RBFOX1: variants seen among roughly 807,000 people sequenced by gnomAD.
RBFOX1 encodes RNA binding protein fox-1 homolog 1.
Under a neutral mutation model 57.7 loss-of-function variants are expected in RBFOX1, and 8 were observed. The ratio of observed to expected loss-of-function variants is 0.14; its 90% confidence interval spans 0.08 to 0.25. The LOEUF (loss-of-function observed/expected upper bound fraction) is 0.25. Among genes scored for constraint, RBFOX1 ranks in the 10% least tolerant of loss-of-function variants. The probability of loss-of-function intolerance (pLI) is 1.00; values close to 1 mark genes in which losing one functional copy is unlikely to be tolerated. For synonymous variants in RBFOX1, 326 were observed against 222.4 expected, an observed-to-expected ratio of 1.47 and a Z score of -4.15; for missense variants, 611 against 548.5, an observed-to-expected ratio of 1.11 and a Z score of -1.14.
At position 6,019,699 on chromosome 16, in the gene RBFOX1, A is replaced by C. The variant is rs2095029952; in HGVS notation, c.-420A>C. 3.0e-6 allele frequency: 4 copies of C among 1,341,084 alleles called. No individual in the cohort carries two copies. In the South Asian group the frequency reaches 5.7e-5, roughly 19 times the overall value. The allele number at this position is 1,341,084 out of a possible 1,614,324, so 83.1% of individuals were successfully genotyped here. A position where few individuals can be genotyped will look rare whatever the true frequency, so the allele number is the denominator to read the frequency against. On this transcript the variant is annotated 5_prime_UTR_variant, in exon 1 of 16. Transcript: ENST00000550418. This position sits in a 1 kb window ranked among gnomAD's most constrained non-coding sequence, Gnocchi z 4.2. The stretch of plus-strand genomic sequence containing the variant: ...CAGGAGAACTCCGAGCTTCTTGCCC[A>C]GGCAGAGAGAGCAGGAGCGGACCGC...
chr16:6,276,820 T>C (rs936401421), intron 1 of RBFOX1, among the ~76,000 whole-genome samples: 36 of 3,170 alleles, frequency 0.011, no homozygotes, highest in African/African-American at 0.015. Context: ...TTTCTTTGCT[T>C]TTTTTTTTTT....
chr16:7,343,519 A>G (rs1480814266), intron 4 of RBFOX1, among the ~76,000 whole-genome samples: 2 of 152,150 alleles, frequency 1.3e-5, no homozygotes, highest in Admixed American at 1.3e-4. Flanking sequence ...AGCAGCATAA[A>G]TTCATACTTC....
At chr16:6,026,509 G>A (rs1302506794) in intron 1 of RBFOX1, among the ~76,000 whole-genome samples, 2 of 152,208 alleles carry the variant, frequency 1.3e-5, no homozygotes, top group Non-Finnish European at 2.9e-5. Flanking sequence ...TGTGCACATG[G>A]CCTCTTTTGC....
At chr16:6,433,275 G>A (rs2094146580) in intron 2 of RBFOX1, among the ~76,000 whole-genome samples, 1 of 152,216 alleles carries the variant, frequency 6.6e-6, no homozygotes, top group Non-Finnish European at 1.5e-5. Flanking sequence ...GAAATGAGAA[G>A]CAGAGAAGGT....
intron 3 of RBFOX1, among the ~76,000 whole-genome samples, chr16:6,858,040 A>G (rs918281467): frequency 2.0e-5 from 3 of 152,170 alleles, no homozygotes; most frequent in Non-Finnish European, 4.4e-5. Context: ...CTACTCACAA[A>G]TGTTCATCCC....
intron 1 of RBFOX1, among the ~76,000 whole-genome samples, chr16:5,287,926 C>G (rs1051161991): frequency 6.6e-6 from 1 of 152,174 alleles, no homozygotes; most frequent in Non-Finnish European, 1.5e-5. Flanking sequence ...ATCCGCAACC[C>G]TCTAACCATC....
intron 4 of RBFOX1, among the ~76,000 whole-genome samples, chr16:7,205,591 C>A (rs2089790877): frequency 1.3e-5 from 2 of 152,020 alleles, no homozygotes; most frequent in East Asian, 1.9e-4. Flanking sequence ...ATGTTCCTAT[C>A]CACCCTGTTT....
intron 2 of RBFOX1, among the ~76,000 whole-genome samples, chr16:5,526,881 C>T (rs139012431): frequency 6.6e-6 from 1 of 152,268 alleles, no homozygotes; most frequent in Admixed American, 6.5e-5. Context: ...CTACTGCTGG[C>T]TGTTTGTGTG....
At chr16:7,138,016 C>G (rs547313794) in intron 4 of RBFOX1, among the ~76,000 whole-genome samples, 1 of 152,026 alleles carries the variant, frequency 6.6e-6, no homozygotes, top group Non-Finnish European at 1.5e-5. Flanking sequence ...GTAACTTGCC[C>G]GAGGTGACAC....
chr16:7,447,308 C>A (rs1024908149), intron 4 of RBFOX1, among the ~76,000 whole-genome samples: 1 of 151,706 alleles, frequency 6.6e-6, no homozygotes, highest in African/African-American at 2.4e-5. Flanking sequence ...TGGCACACAC[C>A]TGTTATCCTA....
At chr16:7,062,133 C>T (rs1417022634) in intron 4 of RBFOX1, among the ~76,000 whole-genome samples, 7 of 151,558 alleles carry the variant, frequency 4.6e-5, no homozygotes, top group African/African-American at 9.7e-5. Flanking sequence ...CTGGCTAACA[C>T]GGTGAAACCC....
At chr16:6,256,137 ATG>A (rs368753663) in intron 1 of RBFOX1, among the ~76,000 whole-genome samples, 8,327 of 50,284 alleles carry the variant, frequency 0.17, 1,909 homozygotes, top group African/African-American at 0.26. Context: ...ATATATATAT[ATG>A]TGTGTATATA....
chr16:7,209,404 C>T (rs2090666856), intron 4 of RBFOX1, among the ~76,000 whole-genome samples: 1 of 152,146 alleles, frequency 6.6e-6, no homozygotes, highest in African/African-American at 2.4e-5. Context: ...TTAGAGCCCA[C>T]CCTAGTGACC....
intron 7 of RBFOX1, among the ~76,000 whole-genome samples, chr16:7,592,458 G>A (rs866905630): frequency 6.6e-6 from 1 of 152,196 alleles, no homozygotes; most frequent in Non-Finnish European, 1.5e-5. Flanking sequence ...ACAGGAGGGT[G>A]AGTGTTCAGT....
At chr16:5,992,961 A>T (rs1478781879) in intron 4 of RBFOX1, among the ~76,000 whole-genome samples, 4 of 152,122 alleles carry the variant, frequency 2.6e-5, no homozygotes, top group Non-Finnish European at 4.4e-5. Context: ...AAAGATTTGC[A>T]TGACAGTGGC....
At chr16:7,270,020 A>G (rs1229091654) in intron 4 of RBFOX1, among the ~76,000 whole-genome samples, 2 of 152,226 alleles carry the variant, frequency 1.3e-5, no homozygotes, top group East Asian at 1.9e-4. Context: ...TAATGCCAAG[A>G]GTAAACACAT....
intron 4 of RBFOX1, among the ~76,000 whole-genome samples, chr16:7,280,723 T>A (rs867449916): frequency 2.6e-5 from 4 of 152,166 alleles, no homozygotes; most frequent in African/African-American, 9.7e-5. Context: ...TTCATTGATA[T>A]GAGTTTTATC....
intron 1 of RBFOX1, among the ~76,000 whole-genome samples, chr16:5,457,510 G>T (rs1032691180): frequency 6.6e-6 from 1 of 152,094 alleles, no homozygotes; most frequent in Non-Finnish European, 1.5e-5. Context: ...CCTCCCATTG[G>T]ACCCACCTCT....
At chr16:7,291,276 C>T (rs2095766944) in intron 4 of RBFOX1, among the ~76,000 whole-genome samples, 1 of 152,106 alleles carries the variant, frequency 6.6e-6, no homozygotes, top group African/African-American at 2.4e-5. Context: ...GACAGACATC[C>T]TTAGTTTTGG....
Sources: allele counts gnomAD v4.1 joint callset (sites outside exome capture counted in the v4.1 genomes callset), GRCh38; gene constraint gnomAD v4.1.1; non-coding constraint Gnocchi (gnomAD v3.1); transcripts MANE v1.5; gene names NCBI Gene and HGNC (gene_info 2026-07-23, HGNC 2026-07-21).